Variants in SIX4 observed in about 807,000 individuals in gnomAD.
SIX4 encodes the protein homeobox protein SIX4.
Under a neutral mutation model 51.5 loss-of-function variants are expected in SIX4, and 23 were observed. That is an observed-to-expected ratio of 0.45 (90% CI 0.32 to 0.63). The LOEUF is 0.63. Ranked by LOEUF, SIX4 falls within the 30% of genes least tolerant of loss-of-function variation. The pLI is 0.04. For missense variants in SIX4, 867 were observed against 984.0 expected (o/e 0.88, Z 1.59); for synonymous variants, 413 against 417.3 (o/e 0.99, Z 0.13).
chr14:60,713,074 A>AT lies in SIX4; in HGVS notation c.*332dup, dbSNP rs1895851925. On this transcript the variant is annotated 3_prime_UTR_variant, in exon 3 of 3. Coordinates refer to ENST00000216513, the MANE Select transcript of SIX4 (RefSeq NM_017420.5). ...TTAATTTTCTATGTTAGGTGTATAC[A>AT]TTTTTTAATTTAAAAAACTATCAAG... The AT allele has an allele frequency of 5.0e-6, 1 of 199,692 alleles. No individual in the cohort carries two copies. Among genetic ancestry groups the AT allele is most frequent in the Non-Finnish European group, 1.0e-5 (1 of 99,612 alleles). 12.4% of individuals were successfully genotyped at this position (199,692 alleles called of 1,614,324 possible). A position where few individuals can be genotyped will look rare whatever the true frequency, so the allele number is the denominator to read the frequency against.
At position 60,711,756 on chromosome 14, in the gene SIX4, G is replaced by C. The variant is rs1049644137; in HGVS notation, c.*1651C>G. 2.8e-5 allele frequency: 4 copies of C among 141,936 alleles called. No individual in the cohort carries two copies. The highest frequency in any genetic ancestry group is 4.5e-5 in the Non-Finnish European group (3 of 66,614). 8.8% of individuals were successfully genotyped at this position (141,936 alleles called of 1,614,324 possible). A position where few individuals can be genotyped will look rare whatever the true frequency, so the allele number is the denominator to read the frequency against. Reference sequence around the variant, plus strand: ...GCCAAGATCGTGCCACTGCACTCCAGCCTGGGCAACAGAGCGAGACTCCAT... The same window carrying C: ...GCCAAGATCGTGCCACTGCACTCCACCCTGGGCAACAGAGCGAGACTCCAT... On this transcript the variant is annotated 3_prime_UTR_variant, in exon 3 of 3. Coordinates refer to ENST00000216513, the MANE Select transcript of SIX4 (RefSeq NM_017420.5).
chr14:60,723,535 C>G lies in SIX4; in HGVS notation c.540G>C (p.Pro180=). ...CCTTGTACCAGAGCTGCTGCAGCAG[C>G]GGGTGGTTGGCCGACTCGAAGCTGT... ...ESHSFESANH[P]LLQQLWYKAR... is the part of the protein sequence containing the mutation. The change falls in exon 1 of 3, where the codon CCG becomes CCC. Residue 180 remains proline (P), a synonymous_variant. Coordinates refer to ENST00000216513, the MANE Select transcript of SIX4 (RefSeq NM_017420.5). 6.2e-7 allele frequency: 1 copy of G among 1,607,914 alleles called. No individual in the cohort carries two copies. The highest frequency in any genetic ancestry group is 8.5e-7 in the Non-Finnish European group (1 of 1,179,304).
intron 1 of SIX4, among the ~76,000 whole-genome samples, chr14:60,721,536 C>T (rs1293556724): frequency 6.6e-6 from 1 of 150,448 alleles, no homozygotes; most frequent in African/African-American, 2.4e-5. Flanking sequence ...TCGCCGTCTG[C>T]GAGGGTGACT....
rs1245640831 is a variant in SIX4 at position 60,724,329 on chromosome 14, C to T, written c.-255G>A. On this transcript the variant is annotated 5_prime_UTR_variant, in exon 1 of 3. Transcript: ENST00000216513. The stretch of plus-strand genomic sequence containing the variant: ...CTGCCGTTCCCCCAACGTGACTCCT[C>T]CGGTTGCTGCATACTATATGGCAGT... The T allele has an allele frequency of 5.4e-6, 8 of 1,478,758 alleles. No individual in the cohort carries two copies. Among genetic ancestry groups the T allele is most frequent in the Non-Finnish European group, 7.2e-6 (8 of 1,110,094 alleles). The allele number at this position is 1,478,758 out of a possible 1,614,324, so 91.6% of individuals were successfully genotyped here.
chr14:60,716,287 C>T (rs2140268156), intron 2 of SIX4, among the ~76,000 whole-genome samples: 1 of 152,146 alleles, frequency 6.6e-6, no homozygotes, highest in South Asian at 2.1e-4. Flanking sequence ...GAGTCTCGCT[C>T]TGTCACCCAG....
At position 60,723,906 on chromosome 14, in the gene SIX4, C is replaced by T. The variant is rs1162746915; in HGVS notation, c.169G>A (p.Asp57Asn). The change falls in exon 1 of 3, where the codon GAC becomes AAC. Residue 57 changes from aspartate to asparagine, a missense_variant. By Grantham distance (23) the Asp-to-Asn change is conservative (BLOSUM62 1). Transcript: ENST00000216513. ...APAPFPLEPG[D>N]AATAAARVSG... The stretch of plus-strand genomic sequence containing the variant: ...ACCCTGGCGGCAGCGGTCGCGGCGT[C>T]CCCCGGCTCCAGGGGAAAAGGGGCT... 2 of 1,518,788 alleles carry T rather than the reference C, an allele frequency of 1.3e-6. No individual in the cohort carries two copies. The highest frequency in any genetic ancestry group is 1.3e-5 in the South Asian group (1 of 76,010). 94.1% of individuals were successfully genotyped at this position (1,518,788 alleles called of 1,614,324 possible).
Position 60,722,853 on chromosome 14 carries a change from G to A in SIX4, c.863+359C>T, listed in dbSNP as rs1021161169. Among the ~76,000 whole-genome samples the A allele has an allele frequency of 6.6e-6, 1 of 151,622 alleles. No individual in the cohort carries two copies. The highest frequency in any genetic ancestry group is 1.5e-5 in the Non-Finnish European group (1 of 67,926). ...AGCTACGGTGCCGGTGTCCACATTT[G>A]CTTCGTTAGCCCCTCCAGAAACGGG... is the stretch of plus-strand genomic sequence containing the variant. On this transcript the variant is annotated intron_variant, in intron 1 of 2. Transcript: ENST00000216513. This position sits in a 1 kb window ranked among gnomAD's most constrained non-coding sequence, Gnocchi z 5.9.
At position 60,712,765 on chromosome 14, in the gene SIX4, T is replaced by A. The variant is rs1895846200; in HGVS notation, c.*642A>T. ...ACTCAAATCCTGCTTATAGAACTGA[T>A]ATATTTACATTTATACTGAAGTTTC... On this transcript the variant is annotated 3_prime_UTR_variant, in exon 3 of 3. Coordinates refer to ENST00000216513, the MANE Select transcript of SIX4 (RefSeq NM_017420.5). 1 of 152,526 alleles carries A rather than the reference T, an allele frequency of 6.6e-6. No individual in the cohort carries two copies. The highest frequency in any genetic ancestry group is 1.5e-5 in the Non-Finnish European group (1 of 68,050). The allele number at this position is 152,526 out of a possible 1,614,324, so 9.4% of individuals were successfully genotyped here.
chr14:60,719,020 G>A lies in SIX4; in HGVS notation c.1549+740C>T, dbSNP rs1895970945. Among the ~76,000 whole-genome samples the A allele has an allele frequency of 6.6e-6, 1 of 152,138 alleles. No homozygotes were observed. The highest frequency in any genetic ancestry group is 1.5e-5 in the Non-Finnish European group (1 of 68,016). ...ATTTCTATTTCTTTAAAGAGAAAAT[G>A]ACATAGAGGATCCAGGCTTGCTTAA... On this transcript the variant is annotated intron_variant, in intron 2 of 2. Transcript: ENST00000216513. The surrounding 1 kb of genome is among the most constrained non-coding windows in gnomAD (Gnocchi z 4.9).
In SIX4 at chr14:60,720,587, TTAAAC is replaced by T. The variant is rs1277665894; in HGVS notation, c.864-147_864-143del. ...ACAGCAGGATATCTGCTAGTCCTATTTAAACTAAGAGGCCTTTCAGCAGATTCCGA... is the reference window on the plus strand; with the variant it reads ...ACAGCAGGATATCTGCTAGTCCTATTTAAGAGGCCTTTCAGCAGATTCCGA... On this transcript the variant is annotated intron_variant, in intron 1 of 2. Coordinates refer to ENST00000216513, the MANE Select transcript of SIX4 (RefSeq NM_017420.5). The surrounding 1 kb of genome is among the most constrained non-coding windows in gnomAD (Gnocchi z 5.5). 3 of 776,998 alleles carry T rather than the reference TTAAAC, an allele frequency of 3.9e-6. No individual in the cohort carries two copies. The highest frequency in any genetic ancestry group is 5.9e-6 in the Non-Finnish European group (3 of 505,440). 48.1% of individuals were successfully genotyped at this position (776,998 alleles called of 1,614,324 possible). A position where few individuals can be genotyped will look rare whatever the true frequency, so the allele number is the denominator to read the frequency against.
rs926016545 is a variant in SIX4, at chr14:60,722,297, G to A, written c.863+915C>T. Among the ~76,000 whole-genome samples, 1 of 152,150 alleles carries A rather than the reference G, an allele frequency of 6.6e-6. No individual in the cohort carries two copies. Among genetic ancestry groups the A allele is most frequent in the South Asian group, 2.1e-4 (1 of 4,818 alleles). ...AATCCGGTATTTTTTTTACCAGAGG[G>A]GGAAAGCAGTCTGCCAGGCAAAAAG... is the stretch of plus-strand genomic sequence containing the variant. On this transcript the variant is annotated intron_variant, in intron 1 of 2. Transcript: ENST00000216513. The surrounding 1 kb of genome is among the most constrained non-coding windows in gnomAD (Gnocchi z 5.9).
At position 60,720,089 on chromosome 14, in the gene SIX4, A is replaced by G; in HGVS notation, c.1220T>C (p.Met407Thr). Residue 407 changes from methionine (M) to threonine (T), a missense_variant, in exon 2 of 3, where the codon ATG becomes ACG. Transcript: ENST00000216513. The surrounding 1 kb of genome is among the most constrained non-coding windows in gnomAD (Gnocchi z 5.5). Reference protein sequence around the residue: ...SSNIVSNGISMTDILGSTSQD... With the variant: ...SSNIVSNGISTTDILGSTSQD... ...GGAAGTAGACCCCAGTATGTCAGTCATGGATATACCATTGCTCACAATGTT... is the reference window on the plus strand; with the variant it reads ...GGAAGTAGACCCCAGTATGTCAGTCGTGGATATACCATTGCTCACAATGTT... 1 of 1,614,210 alleles carries G rather than the reference A, an allele frequency of 6.2e-7. No individual in the cohort carries two copies. The highest frequency in any genetic ancestry group is 8.5e-7 in the Non-Finnish European group (1 of 1,180,032).
chr14:60,721,932 T>G (rs1179248090), intron 1 of SIX4, among the ~76,000 whole-genome samples: 1 of 152,108 alleles, frequency 6.6e-6, no homozygotes, highest in African/African-American at 2.4e-5. Flanking sequence ...GAGGGCCGGA[T>G]AGGGCACCAA....
chr14:60,717,978 C>T lies in SIX4; in HGVS notation c.1549+1782G>A, dbSNP rs1407761972. On this transcript the variant is annotated intron_variant, in intron 2 of 2. Coordinates refer to ENST00000216513, the MANE Select transcript of SIX4 (RefSeq NM_017420.5). The surrounding 1 kb of genome is among the most constrained non-coding windows in gnomAD (Gnocchi z 4.6). Reference sequence around the variant, plus strand: ...AGTGAGCCGAGATCGCGCCACTGTACTCCAGCCTGGGTGACAAAATGAGTC... The same window carrying T: ...AGTGAGCCGAGATCGCGCCACTGTATTCCAGCCTGGGTGACAAAATGAGTC... 8.6e-6 allele frequency: 2 copies of T among 233,324 alleles called. No homozygotes were observed. Among genetic ancestry groups the T allele is most frequent in the Admixed American group, 5.3e-5 (1 of 18,796 alleles). The allele number at this position is 233,324 out of a possible 1,614,324, so 14.5% of individuals were successfully genotyped here. A position where few individuals can be genotyped will look rare whatever the true frequency, so the allele number is the denominator to read the frequency against.
In SIX4 at chr14:60,712,708, C is replaced by T. The variant is rs1309724925; in HGVS notation, c.*699G>A. On this transcript the variant is annotated 3_prime_UTR_variant, in exon 3 of 3. Transcript: ENST00000216513. ...TCAGTTCATAGCGCCTGAAGAGAAA[C>T]ATATACATTAAAAATAAAATTCACT... is the stretch of plus-strand genomic sequence containing the variant. 6.6e-6 allele frequency: 1 copy of T among 152,480 alleles called. No homozygotes were observed. Among genetic ancestry groups the T allele is most frequent in the Non-Finnish European group, 1.5e-5 (1 of 68,006 alleles). The allele number at this position is 152,480 out of a possible 1,614,324, so 9.4% of individuals were successfully genotyped here. A position where few individuals can be genotyped will look rare whatever the true frequency, so the allele number is the denominator to read the frequency against.
intron 1 of SIX4, 80 bp downstream of exon 1, chr14:60,723,132 T>C: frequency 6.9e-7 from 1 of 1,445,676 alleles, no homozygotes; most frequent in Non-Finnish European, 9.0e-7. Context: ...AGCGCCATGT[T>C]TGCGAGCACT....
intron 2 of SIX4, among the ~76,000 whole-genome samples, chr14:60,714,915 C>T (rs1053031421): frequency 3.3e-5 from 5 of 150,240 alleles, no homozygotes; most frequent in African/African-American, 4.9e-5. Flanking sequence ...CCACCCACCT[C>T]GGCCTCCCAA....
Position 60,711,974 on chromosome 14 carries a change from G to A in SIX4, c.*1433C>T, listed in dbSNP as rs565456973. The A allele has an allele frequency of 3.9e-5, 6 of 152,480 alleles. No individual in the cohort carries two copies. In the South Asian group the frequency reaches 8.3e-4, roughly 21 times the overall value. 9.4% of individuals were successfully genotyped at this position (152,480 alleles called of 1,614,324 possible). On this transcript the variant is annotated 3_prime_UTR_variant, in exon 3 of 3. Transcript: ENST00000216513. ...AGAGTCTTGATAAAACTATAGCCAC[G>A]GCTTACAACATTATTAAACAAGCTT...
Position 60,717,385 on chromosome 14 carries a change from T to A in SIX4, c.1549+2375A>T, listed in dbSNP as rs868349310. Among the ~76,000 whole-genome samples the A allele has an allele frequency of 6.6e-6, 1 of 152,250 alleles. No individual in the cohort carries two copies. Among genetic ancestry groups the A allele is most frequent in the African/African-American group, 2.4e-5 (1 of 41,476 alleles). ...ACTGTGCCCGGCGTCTTTAAAATTCTTGTAGGCAGCTGATTTGTGGCAAAA... is the reference window on the plus strand; with the variant it reads ...ACTGTGCCCGGCGTCTTTAAAATTCATGTAGGCAGCTGATTTGTGGCAAAA... On this transcript the variant is annotated intron_variant, in intron 2 of 2. Transcript: ENST00000216513. The surrounding 1 kb of genome is among the most constrained non-coding windows in gnomAD (Gnocchi z 4.6).
Sources: allele counts gnomAD v4.1 joint callset (sites outside exome capture counted in the v4.1 genomes callset), GRCh38; gene constraint gnomAD v4.1.1; non-coding constraint Gnocchi (gnomAD v3.1); transcripts MANE v1.5; gene names NCBI Gene and HGNC (gene_info 2026-07-23, HGNC 2026-07-21).